Variants in PTPRD observed in about 807,000 individuals in gnomAD.
The protein encoded by PTPRD is protein tyrosine phosphatase receptor type D.
In PTPRD, 34 loss-of-function variants were observed where a neutral mutation model predicts 214.5. The ratio of observed to expected loss-of-function variants is 0.16; its 90% CI spans 0.12 to 0.21. PTPRD has a LOEUF of 0.21. Ranked by LOEUF, PTPRD falls within the 10% of genes least tolerant of loss-of-function variation. The pLI is 1.00. For synonymous variants in PTPRD, 1,128 were observed against 845.7 expected (o/e 1.33, Z -5.79); for missense variants, 2,545 against 2,398.7 (o/e 1.06, Z -1.27).
chr9:9,635,415 G>C (rs190353864), intron 7 of PTPRD, among the ~76,000 whole-genome samples: 1 of 152,138 alleles, frequency 6.6e-6, no homozygotes, highest in Non-Finnish European at 1.5e-5. Flanking sequence ...TTATTGTAAG[G>C]TCTAGTGCTT....
chr9:9,494,059 C>G (rs111407567), intron 8 of PTPRD, among the ~76,000 whole-genome samples: 169 of 152,184 alleles, frequency 1.1e-3, no homozygotes, highest in African/African-American at 3.9e-3. Context: ...GAGTAAGGAA[C>G]TTCCAATGTG....
chr9:8,646,790 G>A (rs982086071), intron 12 of PTPRD, among the ~76,000 whole-genome samples: 2 of 152,090 alleles, frequency 1.3e-5, no homozygotes, highest in East Asian at 1.9e-4. Context: ...CATGCCCCTG[G>A]TCATCTATGA....
chr9:9,899,725 G>C (rs1601467033), intron 5 of PTPRD, among the ~76,000 whole-genome samples: 1 of 151,880 alleles, frequency 6.6e-6, no homozygotes. Flanking sequence ...AAAAAAATCA[G>C]TATGTGGAAG....
At chr9:8,609,480 T>C (rs2095362401) in intron 14 of PTPRD, among the ~76,000 whole-genome samples, 2 of 152,110 alleles carry the variant, frequency 1.3e-5, no homozygotes, top group Admixed American at 1.3e-4. Context: ...TAAACTAAAT[T>C]AATATGTGAC....
rs139202776 is a variant in PTPRD, at chr9:8,709,087, G to C, written c.64+24693C>G. ...AGAAAGTGGAATAGTGGCTATCAGA[G>C]GCTGGGTAGGGGGTTGGGAGGGGTT... On this transcript the variant is annotated intron_variant, in intron 12 of 45. Transcript: ENST00000381196. Among the ~76,000 whole-genome samples the C allele has an allele frequency of 1.8e-3, 277 of 152,222 alleles. 2 individuals are homozygous for C. The highest frequency in any genetic ancestry group is 6.4e-3 in the African/African-American group (266 of 41,534).
At position 9,603,176 on chromosome 9, in the gene PTPRD, G is replaced by A. The variant is rs10977866; in HGVS notation, c.-286-28395C>T. Among the ~76,000 whole-genome samples, 45 of 152,230 alleles carry A rather than the reference G, an allele frequency of 3.0e-4. 1 individual carries two copies. The East Asian group carries it at 8.5e-3, about 29-fold the overall frequency. ...TTGCATAGATAGGGTTCTTCTGAAA[G>A]GGTAAACATTAAGACTGAACATATG... On this transcript the variant is annotated intron_variant, in intron 7 of 45. Transcript: ENST00000381196.
intron 11 of PTPRD, among the ~76,000 whole-genome samples, chr9:8,952,028 A>T (rs1047025972): frequency 1.3e-5 from 2 of 151,996 alleles, no homozygotes; most frequent in Admixed American, 1.3e-4. Context: ...CACATATATA[A>T]AAATATATAT....
chr9:9,855,603 C>T (rs1316755347), intron 5 of PTPRD, among the ~76,000 whole-genome samples: 1 of 152,126 alleles, frequency 6.6e-6, no homozygotes, highest in South Asian at 2.1e-4. Flanking sequence ...AGGGAGCGCA[C>T]AAGTAAACAA....
At chr9:8,511,941 G>T (rs2097691178) in intron 21 of PTPRD, among the ~76,000 whole-genome samples, 1 of 152,110 alleles carries the variant, frequency 6.6e-6, no homozygotes, top group East Asian at 1.9e-4. Context: ...ACTAACAAGA[G>T]AAACCTTCAC....
intron 7 of PTPRD, among the ~76,000 whole-genome samples, chr9:9,595,395 T>C (rs1216831292): frequency 5.5e-5 from 8 of 145,044 alleles, no homozygotes; most frequent in African/African-American, 2.1e-4. Flanking sequence ...TTCCACCATA[T>C]ACATATATAC....
intron 11 of PTPRD, among the ~76,000 whole-genome samples, chr9:8,855,416 G>A (rs563632784): frequency 6.6e-6 from 1 of 152,166 alleles, no homozygotes; most frequent in South Asian, 2.1e-4. Flanking sequence ...TTCATTACTT[G>A]AGTAACTGCA....
At chr9:10,278,282 T>G (rs1356313793) in intron 3 of PTPRD, among the ~76,000 whole-genome samples, 1 of 152,266 alleles carries the variant, frequency 6.6e-6, no homozygotes, top group African/African-American at 2.4e-5. Flanking sequence ...TTCCAGATTT[T>G]GTTTCATTAG....
At chr9:10,274,193 A>G (rs991257907) in intron 3 of PTPRD, among the ~76,000 whole-genome samples, 10 of 152,184 alleles carry the variant, frequency 6.6e-5, no homozygotes, top group African/African-American at 2.2e-4. Context: ...CAGGTAAGCC[A>G]TATGAAAACT....
chr9:9,735,264 G>A (rs1169315923), intron 6 of PTPRD, among the ~76,000 whole-genome samples: 2 of 152,180 alleles, frequency 1.3e-5, no homozygotes, highest in East Asian at 3.9e-4. Context: ...GAGGCCTTTT[G>A]CAAATATGCC....
chr9:10,132,435 T>C (rs2098900226), intron 3 of PTPRD, among the ~76,000 whole-genome samples: 1 of 152,182 alleles, frequency 6.6e-6, no homozygotes, highest in South Asian at 2.1e-4. Context: ...ACCTGCCATA[T>C]GATGAGGACT....
Position 8,341,171 on chromosome 9 carries a change from T to C in PTPRD, c.5045A>G (p.Glu1682Gly). 1 of 1,613,276 alleles carries C rather than the reference T, an allele frequency of 6.2e-7. No homozygotes were observed. The highest frequency in any genetic ancestry group is 8.5e-7 in the Non-Finnish European group (1 of 1,179,490). Residue 1682 changes from glutamate to glycine, a missense_variant, in exon 41 of 46, where the codon GAA becomes GGA. Glu to Gly is a moderately conservative substitution (Grantham distance 98). Coordinates refer to ENST00000381196, the MANE Select transcript of PTPRD (RefSeq NM_002839.4). ...KNRLVNIMPY[E>G]STRVCLQPIR... ...AGGCTGCAGGCATACCCTTGTGGAT[T>C]CATATGGCATAATATTAACAAGGCG...
At chr9:8,629,976 C>A (rs1008774816) in intron 14 of PTPRD, among the ~76,000 whole-genome samples, 1 of 151,784 alleles carries the variant, frequency 6.6e-6, no homozygotes, top group South Asian at 2.1e-4. Context: ...CCCTTCGAGG[C>A]ACATGGGTGG....
chr9:9,725,314 CT>C (rs34712287), intron 7 of PTPRD, among the ~76,000 whole-genome samples: 83,527 of 145,094 alleles, frequency 0.58, 25,423 homozygotes, highest in African/African-American at 0.8. Context: ...CCTGCACAAG[CT>C]TTTTTTTTTT....
In PTPRD at chr9:10,315,654, T is replaced by G. The variant is rs370942296; in HGVS notation, c.-545+25309A>C. 8.0e-4 allele frequency among the ~76,000 whole-genome samples: 122 copies of G among 152,084 alleles called. 2 individuals are homozygous for G. The South Asian group carries it at 0.021, about 27-fold the overall frequency. ...ATTAATTCATCCTTAATATGTCTCCTAAGATACGACAAATAATTTGTGTGG... is the reference window on the plus strand; with the variant it reads ...ATTAATTCATCCTTAATATGTCTCCGAAGATACGACAAATAATTTGTGTGG... On this transcript the variant is annotated intron_variant, in intron 3 of 45. Transcript: ENST00000381196.
Sources: gnomAD v4.1 joint callset for allele counts (sites outside exome capture counted in the v4.1 genomes callset) on GRCh38, gnomAD v4.1.1 for gene constraint, MANE v1.5 for transcripts, NCBI Gene and HGNC (gene_info 2026-07-23, HGNC 2026-07-21) for gene names.